Variants in ASTN1 observed in about 807,000 individuals in gnomAD.
ASTN1 encodes the protein astrotactin 1, also known as astrotactin-1.
ASTN1 carries 41 observed loss-of-function variants against 140.7 expected under a neutral mutation model. The observed-to-expected ratio is 0.29, with a 90% CI of 0.23 to 0.38. The LOEUF (loss-of-function observed/expected upper bound fraction) is 0.38, where lower values mean the gene tolerates loss of function less well. Among genes scored for constraint, ASTN1 ranks in the 10% least tolerant of loss-of-function variants. The pLI, the probability that ASTN1 is intolerant of heterozygous loss-of-function variation, is 1.00. For missense variants in ASTN1, 1,479 were observed against 1,678.8 expected (o/e 0.88, Z 2.08); for synonymous variants, 640 against 652.2 (o/e 0.98, Z 0.29).
intron 8 of ASTN1, among the ~76,000 whole-genome samples, chr1:176,973,290 C>A (rs11811615): frequency 6.6e-6 from 1 of 152,098 alleles, no homozygotes; most frequent in Admixed American, 6.5e-5. Flanking sequence ...ACTGTTTTCC[C>A]GACCTTCACC....
At chr1:177,107,104 C>G (rs975638384) in intron 1 of ASTN1, among the ~76,000 whole-genome samples, 7 of 152,060 alleles carry the variant, frequency 4.6e-5, no homozygotes, top group Admixed American at 4.6e-4. Context: ...TCTTGAAATT[C>G]GGTCCATGGA....
chr1:176,909,454 G>A (rs1228375839), intron 16 of ASTN1, among the ~76,000 whole-genome samples: 1 of 152,176 alleles, frequency 6.6e-6, no homozygotes, highest in Non-Finnish European at 1.5e-5. Flanking sequence ...TAGGAGTTGG[G>A]TGATCCTTTA....
chr1:176,890,640 A>G (rs749354477), intron 17 of ASTN1, among the ~76,000 whole-genome samples: 1 of 152,244 alleles, frequency 6.6e-6, no homozygotes, highest in Non-Finnish European at 1.5e-5. Flanking sequence ...AATCCAAAAG[A>G]GAAAGGACAA....
chr1:177,116,097 C>G (rs1386975287), intron 1 of ASTN1, among the ~76,000 whole-genome samples: 2 of 152,130 alleles, frequency 1.3e-5, no homozygotes, highest in Non-Finnish European at 1.5e-5. Flanking sequence ...CTAGAAAAAT[C>G]AAGTTCTCAT....
At chr1:177,109,933 A>T (rs1380956529) in intron 1 of ASTN1, among the ~76,000 whole-genome samples, 1 of 152,164 alleles carries the variant, frequency 6.6e-6, no homozygotes, top group Admixed American at 6.5e-5. Context: ...TGATTTTTCT[A>T]TTCCTTGAAA....
chr1:177,090,093 A>C (rs899036125), intron 1 of ASTN1, among the ~76,000 whole-genome samples: 1 of 152,018 alleles, frequency 6.6e-6, no homozygotes, highest in African/African-American at 2.4e-5. Context: ...CAAAGACCCT[A>C]GCAATTTAGA....
At chr1:177,142,898 A>G (rs1682536861) in intron 1 of ASTN1, among the ~76,000 whole-genome samples, 2 of 140,280 alleles carry the variant, frequency 1.4e-5, no homozygotes, top group South Asian at 2.2e-4. Context: ...GGAGGAAAAA[A>G]AAAAAGGGGG....
At chr1:177,145,259 T>C (rs1044116479) in intron 1 of ASTN1, among the ~76,000 whole-genome samples, 5 of 152,178 alleles carry the variant, frequency 3.3e-5, no homozygotes, top group African/African-American at 1.2e-4. Flanking sequence ...AGCTATCTCC[T>C]ACCCTTTAAT....
chr1:177,032,458 G>A lies in ASTN1; in HGVS notation c.863C>T (p.Pro288Leu), dbSNP rs763087164. ...CCTTGCCTTTCTCCCATCCCCACCT[G>A]GTGTGAGGTCCATCCCCGACTTTTC... ...CNEKSGMDLT[P>L]GSDNAKLSLM... The change falls in exon 3 of 23, where the codon CCA (proline) becomes CTA (leucine). Residue 288 changes from proline to leucine, a missense_variant and splice_region_variant. Transcript: ENST00000361833. 19 of 1,613,048 alleles carry A rather than the reference G, an allele frequency of 1.2e-5. No homozygotes were observed. The highest frequency in any genetic ancestry group is 1.6e-5 in the Non-Finnish European group (19 of 1,179,390).
chr1:177,097,564 T>C (rs1034788365), intron 1 of ASTN1, among the ~76,000 whole-genome samples: 5 of 152,210 alleles, frequency 3.3e-5, no homozygotes, highest in African/African-American at 1.2e-4. Context: ...TTTATCTCTG[T>C]TCCTGGCATA....
intron 1 of ASTN1, among the ~76,000 whole-genome samples, chr1:177,089,335 C>T (rs1249557186): frequency 6.6e-6 from 1 of 152,090 alleles, no homozygotes; most frequent in Non-Finnish European, 1.5e-5. Flanking sequence ...TTTCTAATAA[C>T]AAAAGCTCCT....
chr1:177,139,305 TGATATAAGG>T (rs1682349596), intron 1 of ASTN1, among the ~76,000 whole-genome samples: 1 of 152,232 alleles, frequency 6.6e-6, no homozygotes, highest in Non-Finnish European at 1.5e-5. Flanking sequence ...GTGGGACTTT[TGATATAAGG>T]GATATCTATG....
At chr1:176,883,464 G>A (rs1321261205) in intron 19 of ASTN1, among the ~76,000 whole-genome samples, 1 of 152,168 alleles carries the variant, frequency 6.6e-6, no homozygotes, top group Non-Finnish European at 1.5e-5. Context: ...AAAGTGCTGG[G>A]AATACAGGCG....
intron 1 of ASTN1, among the ~76,000 whole-genome samples, chr1:177,120,441 A>G (rs1271739154): frequency 6.6e-6 from 1 of 152,154 alleles, no homozygotes; most frequent in Non-Finnish European, 1.5e-5. Context: ...ATCTAGATTC[A>G]CACAAAGCTA....
At chr1:176,873,445 G>C (rs1668431881) in intron 21 of ASTN1, among the ~76,000 whole-genome samples, 2 of 152,182 alleles carry the variant, frequency 1.3e-5, no homozygotes, top group Admixed American at 1.3e-4. Context: ...AAAGTATCTA[G>C]TTTAGGATAA....
chr1:177,027,253 G>A (rs1426351561), intron 5 of ASTN1, among the ~76,000 whole-genome samples: 1 of 152,024 alleles, frequency 6.6e-6, no homozygotes, highest in African/African-American at 2.4e-5. Context: ...CTGATTCCTT[G>A]GTGTTCTAGC....
chr1:177,029,859 T>G, intron 4 of ASTN1, 118 bp from the exon 5 acceptor site: 1 of 991,016 alleles, frequency 1.0e-6, no homozygotes, highest in Non-Finnish European at 1.5e-6. Flanking sequence ...ACTGATAATC[T>G]GGGAGAAATA....
intron 1 of ASTN1, among the ~76,000 whole-genome samples, chr1:177,157,220 G>T (rs1461238650): frequency 6.6e-6 from 1 of 152,228 alleles, no homozygotes; most frequent in African/African-American, 2.4e-5. Flanking sequence ...AATAGTGAGA[G>T]AAACTGGGTA....
rs373803957 is a variant in ASTN1 at position 176,894,136 on chromosome 1, T to A, written c.2940+426A>T. Reference sequence around the variant, plus strand: ...CCTGTGCCTGATATGCTCCTTCTAGTCCAGCTGCAGCTGGGCCAGGCTAAG... The same window carrying A: ...CCTGTGCCTGATATGCTCCTTCTAGACCAGCTGCAGCTGGGCCAGGCTAAG... On this transcript the variant is annotated intron_variant, in intron 17 of 22. Transcript: ENST00000361833. Among the ~76,000 whole-genome samples the A allele has an allele frequency of 1.1e-4, 16 of 152,250 alleles. No homozygotes were observed. The East Asian group carries it at 2.9e-3, about 28-fold the overall frequency.
Sources: gnomAD v4.1 joint callset for allele counts (sites outside exome capture counted in the v4.1 genomes callset) on GRCh38, gnomAD v4.1.1 for gene constraint, MANE v1.5 for transcripts, NCBI Gene and HGNC (gene_info 2026-07-23, HGNC 2026-07-21) for gene names.